NLRP2: variants seen among roughly 807,000 people sequenced by gnomAD.
NLRP2 encodes NACHT, LRR and PYD domains-containing protein 2.
In NLRP2, 107 loss-of-function variants were observed where a neutral mutation model predicts 97.2. The ratio of observed to expected loss-of-function variants is 1.10; its 90% confidence interval spans 0.94 to 1.29. The LOEUF (loss-of-function observed/expected upper bound fraction) is 1.29, where lower values mean the gene tolerates loss of function less well. Ranked by LOEUF, NLRP2 falls within the 50% of genes most tolerant of loss-of-function variation. The pLI, the probability that NLRP2 is intolerant of heterozygous loss-of-function variation, is 0.00. For missense variants in NLRP2, 1,495 were observed against 1,330.3 expected (o/e 1.12, Z -1.93); for synonymous variants, 663 against 551.5 (o/e 1.20, Z -2.83).
rs777070553 is a variant in NLRP2 at position 54,986,156 on chromosome 19, A to G, written c.2207A>G (p.Lys736Arg). The G allele has an allele frequency of 3.7e-6, 6 of 1,612,964 alleles. No individual in the cohort carries two copies. The East Asian group carries it at 1.3e-4, about 36-fold the overall frequency. ...TTTCGTTCTCTTTTCCCTAGGTTCAAAAACATTTCCCCAGCTGATGCTCAT... is the reference window on the plus strand; with the variant it reads ...TTTCGTTCTCTTTTCCCTAGGTTCAGAAACATTTCCCCAGCTGATGCTCAT... ...DTCHLQRVVF[K>R]NISPADAHRN... The change falls in exon 8 of 13, where the codon AAA (lysine) becomes AGA (arginine). Residue 736 changes from lysine (K) to arginine (R), a missense_variant. By Grantham distance (26) the Lys-to-Arg change is conservative (BLOSUM62 2). Transcript: ENST00000448584.
In NLRP2 at chr19:54,977,954, C is replaced by T; in HGVS notation, c.397+131C>T. On this transcript the variant is annotated intron_variant, in intron 4 of 12. Transcript: ENST00000448584. ...CCACTATTCTTAATGTGCCCACTGT[C>T]TCCTGGAGAATGCCAACCTCCCTTC... is the stretch of plus-strand genomic sequence containing the variant. 3 of 852,608 alleles carry T rather than the reference C, an allele frequency of 3.5e-6. No individual in the cohort carries two copies. In the South Asian group the frequency reaches 4.2e-5, roughly 12 times the overall value. The allele number at this position is 852,608 out of a possible 1,614,324, so 52.8% of individuals were successfully genotyped here. A position where few individuals can be genotyped will look rare whatever the true frequency, so the allele number is the denominator to read the frequency against.
chr19:54,999,389 C>G (rs1009228195), intron 12 of NLRP2, among the ~76,000 whole-genome samples: 1 of 152,090 alleles, frequency 6.6e-6, no homozygotes, highest in East Asian at 1.9e-4. Context: ...TCAGGTGACC[C>G]GCCTGCCTCA....
Position 54,975,455 on chromosome 19 carries a change from A to T in NLRP2, c.325+911A>T, listed in dbSNP as rs1350491546. ...TACTTATATCCTGAAGATTATTATTATTTTTTTTTTTTTTGAGATAGAGTC... is the reference window on the plus strand; with the variant it reads ...TACTTATATCCTGAAGATTATTATTTTTTTTTTTTTTTTTGAGATAGAGTC... On this transcript the variant is annotated intron_variant, in intron 3 of 12. Coordinates refer to ENST00000448584, the MANE Select transcript of NLRP2 (RefSeq NM_017852.5). Among the ~76,000 whole-genome samples, 23 of 132,506 alleles carry T rather than the reference A, an allele frequency of 1.7e-4. 3 individuals are homozygous for T. Among genetic ancestry groups the T allele is most frequent in the East Asian group, 1.0e-3 (4 of 3,814 alleles). 86.9% of individuals were successfully genotyped at this position (132,506 alleles called of 152,430 possible).
At chr19:54,980,799 C>G (rs899060460) in intron 4 of NLRP2, among the ~76,000 whole-genome samples, 1 of 152,152 alleles carries the variant, frequency 6.6e-6, no homozygotes, top group South Asian at 2.1e-4. Context: ...CATCTTGGGC[C>G]GTATCTCCTG....
At chr19:54,977,922 T>C in intron 4 of NLRP2, 99 bp downstream of exon 4, 1 of 1,094,462 alleles carries the variant, frequency 9.1e-7, no homozygotes, top group Non-Finnish European at 1.4e-6. Flanking sequence ...CTCTCCAATC[T>C]TTTCCTCCAC....
chr19:54,967,146 C>T (rs1006224406), intron 1 of NLRP2, among the ~76,000 whole-genome samples: 1 of 151,950 alleles, frequency 6.6e-6, no homozygotes, highest in African/African-American at 2.4e-5. Flanking sequence ...GGATTATAGG[C>T]AGGTGCCACC....
rs1228622452 is a variant in NLRP2 at position 54,982,259 on chromosome 19, G to A, written c.561G>A (p.Glu187=). ...GCAAAGAGGTCCAGGTTATGGCTGA[G>A]AGATACAAGATGCTGATCCCATTCA... ...GDSKEVQVMA[E]RYKMLIPFSN... Residue 187 remains glutamate (E), a synonymous_variant, in exon 6 of 13, where the codon GAG becomes GAA. Coordinates refer to ENST00000448584, the MANE Select transcript of NLRP2 (RefSeq NM_017852.5). The A allele has an allele frequency of 6.2e-7, 1 of 1,613,988 alleles. No homozygotes were observed. The highest frequency in any genetic ancestry group is 8.5e-7 in the Non-Finnish European group (1 of 1,180,014).
chr19:54,968,863 G>A (rs377628359), intron 1 of NLRP2, among the ~76,000 whole-genome samples: 6 of 151,874 alleles, frequency 4.0e-5, no homozygotes, highest in African/African-American at 1.4e-4. Context: ...CACCACGCCC[G>A]GCTAATTTTT....
chr19:54,997,135 C>T (rs764889930), intron 11 of NLRP2, among the ~76,000 whole-genome samples, 182 bp from the exon 12 acceptor site: 11 of 152,162 alleles, frequency 7.2e-5, no homozygotes, highest in Non-Finnish European at 1.5e-4. Context: ...AACTCCTTGA[C>T]CTCAGGTGAT....
At chr19:54,997,634 T>A in intron 12 of NLRP2, 147 bp downstream of exon 12, 1 of 878,556 alleles carries the variant, frequency 1.1e-6, no homozygotes, top group Non-Finnish European at 1.8e-6. Context: ...TGTATTTCAC[T>A]TGGAGAAACG....
At chr19:54,971,032 T>G (rs2070820383) in intron 2 of NLRP2, among the ~76,000 whole-genome samples, 1 of 127,658 alleles carries the variant, frequency 7.8e-6, no homozygotes, top group Non-Finnish European at 1.6e-5. Flanking sequence ...CCATGTGATC[T>G]CATTGTTCAA....
At chr19:54,970,396 G>C in intron 2 of NLRP2, 101 bp downstream of exon 2, 8 of 1,414,564 alleles carry the variant, frequency 5.7e-6, no homozygotes, top group African/African-American at 1.4e-5. Flanking sequence ...CACGCCTGTC[G>C]TCCCAGCCCT....
chr19:55,000,773 G>T lies in NLRP2; in HGVS notation c.3064G>T (p.Asp1022Tyr). The T allele has an allele frequency of 1.2e-6, 2 of 1,613,476 alleles. No homozygotes were observed. The highest frequency in any genetic ancestry group is 2.2e-5 in the South Asian group (2 of 91,032). ...ATTGTACCCCAGGTTGAAAATCGAT[G>T]ACTTTAATGATGAACTCAATAAGCT... ...TLRTLRLKID[D>Y]FNDELNKLLE... Residue 1022 changes from aspartate (D) to tyrosine (Y), a missense_variant, in exon 13 of 13, where the codon GAC (aspartate) becomes TAC (tyrosine). Asp to Tyr is a radical substitution (Grantham distance 160, BLOSUM62 -3). Coordinates refer to ENST00000448584, the MANE Select transcript of NLRP2 (RefSeq NM_017852.5).
At chr19:54,996,050 A>AAAC (rs1243667162) in intron 11 of NLRP2, among the ~76,000 whole-genome samples, 2 of 146,992 alleles carry the variant, frequency 1.4e-5, no homozygotes, top group Non-Finnish European at 3.0e-5. Context: ...AAAAAAAAAA[A>AAAC]AAACAAAAAA....
At chr19:54,970,824 TA>T (rs1267115104) in intron 2 of NLRP2, among the ~76,000 whole-genome samples, 21 of 148,246 alleles carry the variant, frequency 1.4e-4, no homozygotes, top group Non-Finnish European at 2.4e-4. Context: ...TTATTATTAT[TA>T]TTTTTTTTAT....
At chr19:54,978,061 T>C (rs562712250) in intron 4 of NLRP2, among the ~76,000 whole-genome samples, 13 of 151,968 alleles carry the variant, frequency 8.6e-5, no homozygotes, top group Non-Finnish European at 1.8e-4. Context: ...GCAGAGAGTT[T>C]TTGTTTTTGT....
intron 3 of NLRP2, 128 bp from the exon 4 acceptor site, chr19:54,977,624 C>G: frequency 1.2e-6 from 1 of 867,672 alleles, no homozygotes; most frequent in Non-Finnish European, 1.9e-6. Flanking sequence ...ACATCCAGTA[C>G]CTTATCAACG....
rs577542494 is a variant in NLRP2 at position 54,995,006 on chromosome 19, C to T, written c.2879+567C>T. Among the ~76,000 whole-genome samples the T allele has an allele frequency of 2.0e-5, 3 of 151,766 alleles. No individual in the cohort carries two copies. The South Asian group carries it at 6.2e-4, about 32-fold the overall frequency. ...TTCAGCCAAAAGCCACTGCCCAGCA[C>T]CCCACATTCAGAGAGGTGGGAATTG... On this transcript the variant is annotated intron_variant, in intron 11 of 12. Coordinates refer to ENST00000448584, the MANE Select transcript of NLRP2 (RefSeq NM_017852.5).
intron 7 of NLRP2, among the ~76,000 whole-genome samples, chr19:54,985,664 C>A (rs1282057408): frequency 1.6e-5 from 2 of 123,848 alleles, no homozygotes; most frequent in Non-Finnish European, 3.1e-5. Flanking sequence ...AGTGACAGAG[C>A]GAGACTGCGT....
Sources: gnomAD v4.1 joint callset for allele counts (sites outside exome capture counted in the v4.1 genomes callset) on GRCh38, gnomAD v4.1.1 for gene constraint, MANE v1.5 for transcripts, NCBI Gene and HGNC (gene_info 2026-07-23, HGNC 2026-07-21) for gene names.